Variants in ZNF469 observed in about 807,000 individuals in gnomAD.
ZNF469 encodes zinc finger protein 469.
A neutral mutation model predicts 1.0 loss-of-function variants in ZNF469; 1 was observed. That is an observed-to-expected ratio of 1.00 (90% CI 0.35 to 4.73). ZNF469 has a LOEUF of 4.73. ZNF469 is among the 30% of genes most tolerant of loss of function. The pLI, the probability that ZNF469 is intolerant of heterozygous loss-of-function variation, is 0.16. For synonymous variants in ZNF469, 2,703 were observed against 2,363.4 expected, an observed-to-expected ratio of 1.14 and a Z score of -4.17; for missense variants, 6,100 against 5,356.3, an observed-to-expected ratio of 1.14 and a Z score of -4.33.
chr16:88,199,503 C>T, the ZNF469 span, among the ~76,000 whole-genome samples: 103 of 152,348 alleles, frequency 6.8e-4, no homozygotes, highest in Non-Finnish European at 1.1e-3. Context: ...ACTCTGCTCC[C>T]ACCTCCTGTG....
the ZNF469 span, among the ~76,000 whole-genome samples, chr16:88,317,632 C>T: frequency 2.6e-5 from 4 of 152,242 alleles, no homozygotes; most frequent in African/African-American, 4.8e-5. Context: ...CCGCCCTGCA[C>T]AGCTCTCTGG....
chr16:88,413,012 C>T (rs888259043), intron 1 of ZNF469, among the ~76,000 whole-genome samples: 3 of 152,002 alleles, frequency 2.0e-5, no homozygotes, highest in African/African-American at 4.8e-5. Context: ...GGAGGGTCAC[C>T]GAGAGACCCA....
chr16:88,347,492 C>G, the ZNF469 span, among the ~76,000 whole-genome samples: 1 of 152,106 alleles, frequency 6.6e-6, no homozygotes, highest in Admixed American at 6.5e-5. Context: ...CGGAGCAGAC[C>G]CTCCCTCCTG....
At chr16:88,293,057 T>G in the ZNF469 span, among the ~76,000 whole-genome samples, 1 of 152,164 alleles carries the variant, frequency 6.6e-6, no homozygotes, top group Non-Finnish European at 1.5e-5. Flanking sequence ...TCCCTTCTAT[T>G]CTCCTGAACA....
the ZNF469 span, among the ~76,000 whole-genome samples, chr16:88,147,949 A>G: frequency 0.27 from 41,233 of 151,628 alleles, 6,795 homozygotes; most frequent in East Asian, 0.69. Flanking sequence ...TTGTGTGTAC[A>G]CCAGCGGTCA....
At chr16:88,122,157 T>C in the ZNF469 span, among the ~76,000 whole-genome samples, 224 of 140,716 alleles carry the variant, frequency 1.6e-3, 2 homozygotes, top group African/African-American at 5.8e-3. Flanking sequence ...ACCCCGTCAC[T>C]CGGTATGGCC....
chr16:88,226,608 G>A, the ZNF469 span, among the ~76,000 whole-genome samples: 6 of 152,150 alleles, frequency 3.9e-5, no homozygotes, highest in South Asian at 2.1e-4. Flanking sequence ...AGACCAGTGC[G>A]GCCCTCCTTC....
At chr16:88,135,748 G>GTTTTATTCT in the ZNF469 span, among the ~76,000 whole-genome samples, 3,249 of 66,910 alleles carry the variant, frequency 0.049, 1,291 homozygotes, top group Middle Eastern at 0.097. Context: ...AGCTGGCCAT[G>GTTTTATTCT]TTTTTTTTTT....
chr16:88,349,907 A>ATGTACACCCTACACAGACCACACATCAC, the ZNF469 span, among the ~76,000 whole-genome samples: 1 of 152,036 alleles, frequency 6.6e-6, no homozygotes, highest in African/African-American at 2.4e-5. Flanking sequence ...CATCACACAC[A>ATGTACACCCTACACAGACCACACATCAC]ATACACACTA....
chr16:88,402,636 G>A lies in ZNF469; in HGVS notation c.-192+19382G>A, dbSNP rs1038042655. 3.9e-5 allele frequency among the ~76,000 whole-genome samples: 6 copies of A among 152,290 alleles called. No individual in the cohort carries two copies. In the East Asian group the frequency reaches 7.7e-4, roughly 20 times the overall value. ...GCAGTTGACCTGGGTCTGCCCCCAC[G>A]GTCAGGGCCTCCACCGTCACCTGCT... is the stretch of plus-strand genomic sequence containing the variant. On this transcript the variant is annotated intron_variant, in intron 1 of 2. Coordinates refer to ENST00000565624, the MANE Select transcript of ZNF469 (RefSeq NM_001367624.2).
At chr16:88,184,072 G>A in the ZNF469 span, among the ~76,000 whole-genome samples, 1 of 151,994 alleles carries the variant, frequency 6.6e-6, no homozygotes, top group South Asian at 2.1e-4. Flanking sequence ...GAAGCTTGAA[G>A]TGGGCATAGA....
chr16:88,202,114 C>G, the ZNF469 span, among the ~76,000 whole-genome samples: 1 of 152,188 alleles, frequency 6.6e-6, no homozygotes, highest in African/African-American at 2.4e-5. Context: ...GCTGGAATGC[C>G]AGGTTCAGCG....
chr16:88,215,144 T>C, the ZNF469 span, among the ~76,000 whole-genome samples: 1 of 152,220 alleles, frequency 6.6e-6, no homozygotes, highest in African/African-American at 2.4e-5. Context: ...TTTTGTTTTT[T>C]ACCTAGTCTC....
the ZNF469 span, among the ~76,000 whole-genome samples, chr16:88,250,548 T>C: frequency 1.3e-5 from 2 of 152,230 alleles, no homozygotes; most frequent in East Asian, 3.8e-4. Flanking sequence ...TTTTATGTCA[T>C]TTCTTCACGT....
At chr16:88,215,679 T>C in the ZNF469 span, among the ~76,000 whole-genome samples, 1 of 152,084 alleles carries the variant, frequency 6.6e-6, no homozygotes, top group Non-Finnish European at 1.5e-5. Context: ...TGTGAGCCAC[T>C]ACACCTGGCC....
the ZNF469 span, among the ~76,000 whole-genome samples, chr16:88,316,672 G>A: frequency 1.3e-4 from 19 of 149,344 alleles, no homozygotes; most frequent in African/African-American, 3.5e-4. Context: ...TCAGCCTCCC[G>A]AGTGGCTGGG....
chr16:88,103,782 G>A, the ZNF469 span, among the ~76,000 whole-genome samples: 24 of 147,742 alleles, frequency 1.6e-4, no homozygotes, highest in Admixed American at 1.2e-3. Flanking sequence ...ATAATCCTCC[G>A]TGGCATGGGG....
the ZNF469 span, among the ~76,000 whole-genome samples, chr16:88,168,389 C>A: frequency 6.6e-6 from 1 of 152,190 alleles, no homozygotes; most frequent in Non-Finnish European, 1.5e-5. This position sits in a 1 kb window ranked among gnomAD's most constrained non-coding sequence, Gnocchi z 4.3. Context: ...CGGCCTTGAG[C>A]TGGGAATTCC....
At chr16:88,226,355 G>A in the ZNF469 span, among the ~76,000 whole-genome samples, 1 of 152,050 alleles carries the variant, frequency 6.6e-6, no homozygotes, top group African/African-American at 2.4e-5. Flanking sequence ...GAGGCGTAGG[G>A]GAGAGGCCAC....
Sources: gnomAD v4.1 joint callset for allele counts (sites outside exome capture counted in the v4.1 genomes callset) on GRCh38, gnomAD v4.1.1 for gene constraint, Gnocchi (gnomAD v3.1) non-coding constraint, MANE v1.5 for transcripts, NCBI Gene and HGNC (gene_info 2026-07-23, HGNC 2026-07-21) for gene names.